The following PPP3CC variants were observed in gnomAD, a reference collection of about 807,000 sequenced individuals.
The protein encoded by PPP3CC is serine/threonine-protein phosphatase 2B catalytic subunit gamma isoform.
A neutral mutation model predicts 60.3 loss-of-function variants in PPP3CC; 35 were observed. The observed-to-expected ratio is 0.58, with a 90% CI of 0.44 to 0.77. The LOEUF is 0.77. PPP3CC is among the 30% of genes least tolerant of loss of function. The pLI, the probability that PPP3CC is intolerant of heterozygous loss-of-function variation, is 0.00. For synonymous variants in PPP3CC, 206 were observed against 224.3 expected, an observed-to-expected ratio of 0.92 and a Z score of 0.73; for missense variants, 570 against 628.9, an observed-to-expected ratio of 0.91 and a Z score of 1.00.
chr8:22,507,134 AAAAT>A (rs1248265862), intron 4 of PPP3CC, among the ~76,000 whole-genome samples: 1 of 152,032 alleles, frequency 6.6e-6, no homozygotes, highest in Non-Finnish European at 1.5e-5. Context: ...ATAATAATAA[AAAAT>A]AAATAAAGCA....
intron 6 of PPP3CC, among the ~76,000 whole-genome samples, chr8:22,513,922 A>T (rs7830716): frequency 1.3e-5 from 2 of 152,208 alleles, no homozygotes; most frequent in African/African-American, 4.8e-5. Flanking sequence ...TAAATTTCAC[A>T]GGAGCTTTCA....
At chr8:22,447,121 A>C (rs1473119532) in intron 1 of PPP3CC, among the ~76,000 whole-genome samples, 1 of 149,034 alleles carries the variant, frequency 6.7e-6, no homozygotes, top group Non-Finnish European at 1.5e-5. Context: ...GATCCACCTC[A>C]GCCTCCCGAG....
chr8:22,505,602 G>C (rs1215494657), intron 4 of PPP3CC, among the ~76,000 whole-genome samples: 1 of 152,034 alleles, frequency 6.6e-6, no homozygotes, highest in Non-Finnish European at 1.5e-5. Context: ...TTACTCTCAG[G>C]GTTTTTCAGC....
At chr8:22,518,430 C>T (rs1406081745) in intron 6 of PPP3CC, among the ~76,000 whole-genome samples, 1 of 152,080 alleles carries the variant, frequency 6.6e-6, no homozygotes, top group African/African-American at 2.4e-5. Flanking sequence ...TAGTTTCATT[C>T]CATTATGGTG....
At chr8:22,483,792 A>ATT (rs1838142378) in intron 3 of PPP3CC, among the ~76,000 whole-genome samples, 1 of 152,114 alleles carries the variant, frequency 6.6e-6, no homozygotes, top group Non-Finnish European at 1.5e-5. Context: ...GTCATACAAA[A>ATT]TTATTCTATT....
intron 1 of PPP3CC, among the ~76,000 whole-genome samples, chr8:22,463,327 G>A (rs1039700841): frequency 1.3e-5 from 2 of 152,200 alleles, no homozygotes; most frequent in African/African-American, 4.8e-5. Flanking sequence ...AATGATGTCG[G>A]CAGTATGCAT....
chr8:22,511,282 G>T (rs1839079371), intron 5 of PPP3CC, 51 bp downstream of exon 5: 2 of 1,559,542 alleles, frequency 1.3e-6, no homozygotes. Context: ...AATGTGTTGG[G>T]TTTTTTTGTT....
At chr8:22,538,100 G>C (rs150462399) in intron 12 of PPP3CC, among the ~76,000 whole-genome samples, 2 of 152,236 alleles carry the variant, frequency 1.3e-5, no homozygotes, top group Admixed American at 1.3e-4. Flanking sequence ...ACAAAAGTTC[G>C]GGTCATTTGA....
intron 1 of PPP3CC, among the ~76,000 whole-genome samples, chr8:22,470,833 T>C (rs2132461566): frequency 6.6e-6 from 1 of 152,320 alleles, no homozygotes; most frequent in South Asian, 2.1e-4. Context: ...TGGTATCACT[T>C]TGTGAACTGT....
At chr8:22,511,372 C>A in intron 5 of PPP3CC, 141 bp downstream of exon 5, 2 of 862,338 alleles carry the variant, frequency 2.3e-6, no homozygotes, top group East Asian at 5.4e-5. Context: ...TCACTGCAAC[C>A]TCCGCCTCCC....
At chr8:22,521,148 C>T (rs993980427) in intron 6 of PPP3CC, among the ~76,000 whole-genome samples, 1 of 152,112 alleles carries the variant, frequency 6.6e-6, no homozygotes, top group Non-Finnish European at 1.5e-5. Flanking sequence ...AAGCTGGGTC[C>T]CAGGCTGGTT....
chr8:22,472,363 A>AACACAC (rs71546810), intron 1 of PPP3CC, among the ~76,000 whole-genome samples: 5,090 of 125,630 alleles, frequency 0.041, 152 homozygotes, highest in Admixed American at 0.064. Context: ...GGTAAAAATG[A>AACACAC]ACACACACAC....
rs1277160806 is a variant in PPP3CC, at chr8:22,489,853, G to T, written c.373-8148G>T. Among the ~76,000 whole-genome samples, 4 of 148,868 alleles carry T rather than the reference G, an allele frequency of 2.7e-5. No homozygotes were observed. The Admixed American group carries it at 2.7e-4, about 10-fold the overall frequency. On this transcript the variant is annotated intron_variant, in intron 3 of 13. Coordinates refer to ENST00000240139, the MANE Select transcript of PPP3CC (RefSeq NM_005605.5). ...ATTCACTAATTTGAGATGGAGTCTT[G>T]CTCTGTCTCCCAGGCTGGAGTGCAG...
At chr8:22,521,170 T>A (rs1839396207) in intron 6 of PPP3CC, among the ~76,000 whole-genome samples, 2 of 152,164 alleles carry the variant, frequency 1.3e-5, no homozygotes, top group South Asian at 4.1e-4. Flanking sequence ...GGGTTTATGT[T>A]TGGGTCCAAT....
chr8:22,468,667 C>T (rs183255231), intron 1 of PPP3CC, among the ~76,000 whole-genome samples: 374 of 152,028 alleles, frequency 2.5e-3, no homozygotes, highest in Non-Finnish European at 3.8e-3. Flanking sequence ...AATAGATTTT[C>T]TCATTTGGTA....
At chr8:22,533,953 C>T (rs528869124) in intron 12 of PPP3CC, among the ~76,000 whole-genome samples, 1 of 152,280 alleles carries the variant, frequency 6.6e-6, no homozygotes, top group East Asian at 1.9e-4. Flanking sequence ...AATCCCAGCA[C>T]TTTGGGAGGC....
intron 1 of PPP3CC, among the ~76,000 whole-genome samples, chr8:22,451,793 A>T (rs1209422623): frequency 6.6e-6 from 1 of 152,238 alleles, no homozygotes; most frequent in Non-Finnish European, 1.5e-5. Context: ...AAAAATATTT[A>T]TAAAATTATC....
intron 3 of PPP3CC, among the ~76,000 whole-genome samples, chr8:22,490,888 A>T (rs1033377652): frequency 8.5e-5 from 13 of 152,224 alleles, no homozygotes; most frequent in Middle Eastern, 6.8e-3. Flanking sequence ...AGTCTTTGCT[A>T]TTGCGAATAG....
chr8:22,477,490 G>A (rs1182997384), intron 3 of PPP3CC, among the ~76,000 whole-genome samples: 1 of 151,232 alleles, frequency 6.6e-6, no homozygotes, highest in African/African-American at 2.4e-5. Context: ...AAAAAAGAAA[G>A]AAAGAAAGAA....
Sources: gnomAD v4.1 joint callset for allele counts (sites outside exome capture counted in the v4.1 genomes callset) on GRCh38, gnomAD v4.1.1 for gene constraint, MANE v1.5 for transcripts, NCBI Gene and HGNC (gene_info 2026-07-23, HGNC 2026-07-21) for gene names.